RGS6: variants seen among roughly 807,000 people sequenced by gnomAD.
The protein encoded by RGS6 is regulator of G-protein signaling 6.
Under a neutral mutation model 78.5 loss-of-function variants are expected in RGS6, and 30 were observed. The observed-to-expected ratio is 0.38, with a 90% CI of 0.29 to 0.52. The LOEUF is 0.52. Among genes scored for constraint, RGS6 ranks in the 20% least tolerant of loss-of-function variants. The pLI, the probability that RGS6 is intolerant of heterozygous loss-of-function variation, is 0.85. For synonymous variants in RGS6, 206 were observed against 206.0 expected, an observed-to-expected ratio of 1.00 and a Z score of 0.00; for missense variants, 495 against 609.7, an observed-to-expected ratio of 0.81 and a Z score of 1.98.
intron 3 of RGS6, among the ~76,000 whole-genome samples, chr14:72,452,453 G>A (rs536184934): frequency 1.3e-5 from 2 of 152,268 alleles, no homozygotes; most frequent in East Asian, 3.9e-4. Flanking sequence ...CACTGTGCAG[G>A]GTTACTTCAC....
At chr14:72,308,464 T>C (rs937429076) in intron 2 of RGS6, among the ~76,000 whole-genome samples, 5 of 152,222 alleles carry the variant, frequency 3.3e-5, no homozygotes, top group Admixed American at 3.3e-4. Context: ...GAATTATCAG[T>C]ATACTTGTCT....
At chr14:72,569,415 C>G (rs537408446), downstream of RGS6, among the ~76,000 whole-genome samples, 108 of 152,254 alleles carry the variant, frequency 7.1e-4, no homozygotes, top group Middle Eastern at 3.4e-3. Flanking sequence ...CACAGTGGCT[C>G]ACACCTGTAA....
Position 72,431,001 on chromosome 14 carries a change from G to A in RGS6, c.185-23527G>A, listed in dbSNP as rs188596461. Among the ~76,000 whole-genome samples, 15 of 152,208 alleles carry A rather than the reference G, an allele frequency of 9.9e-5. No homozygotes were observed. In the East Asian group the frequency reaches 2.7e-3, roughly 27 times the overall value. On this transcript the variant is annotated intron_variant, in intron 3 of 17. Transcript: ENST00000553525. ...CTATCGATTTCCATCCAACTGAAGGGGTGAAGTTCAGAAGCCCAGGAGACA... is the reference window on the plus strand; with the variant it reads ...CTATCGATTTCCATCCAACTGAAGGAGTGAAGTTCAGAAGCCCAGGAGACA...
intron 3 of RGS6, among the ~76,000 whole-genome samples, chr14:72,375,361 A>G (rs1423304557): frequency 6.6e-6 from 1 of 152,230 alleles, no homozygotes; most frequent in Non-Finnish European, 1.5e-5. Context: ...CACTAAACAC[A>G]AAAAGAATCT....
At chr14:72,294,749 T>TAG (rs1430263726) in intron 2 of RGS6, among the ~76,000 whole-genome samples, 6 of 151,866 alleles carry the variant, frequency 4.0e-5, no homozygotes, top group African/African-American at 1.5e-4. Flanking sequence ...AAGAACCAGA[T>TAG]CTCGTGAGAA....
chr14:72,553,744 A>AT (rs2097536298), intron 17 of RGS6, among the ~76,000 whole-genome samples: 1 of 152,162 alleles, frequency 6.6e-6, no homozygotes, highest in Non-Finnish European at 1.5e-5. Context: ...TCTAAATCCA[A>AT]TAACAGCATC....
chr14:72,063,694 G>A (rs1402040187), intron 2 of RGS6, among the ~76,000 whole-genome samples: 1 of 152,114 alleles, frequency 6.6e-6, no homozygotes, highest in Non-Finnish European at 1.5e-5. Flanking sequence ...AGAGGGGATG[G>A]GACCTAGTGT....
chr14:72,599,223 T>G, the RGS6 span, among the ~76,000 whole-genome samples: 2 of 152,246 alleles, frequency 1.3e-5, no homozygotes, highest in South Asian at 4.2e-4. Context: ...GCTGCTCTGG[T>G]GGGAACAGCA....
At chr14:72,556,565 C>T (rs371736981) in intron 17 of RGS6, among the ~76,000 whole-genome samples, 97 of 152,044 alleles carry the variant, frequency 6.4e-4, no homozygotes, top group African/African-American at 2.1e-3. Flanking sequence ...GAATTGCTTT[C>T]AGAAGACGTG....
At chr14:72,428,963 G>A (rs2094527328) in intron 3 of RGS6, among the ~76,000 whole-genome samples, 1 of 152,190 alleles carries the variant, frequency 6.6e-6, no homozygotes, top group Non-Finnish European at 1.5e-5. Context: ...CACTTTGGGA[G>A]GCCAAGGCGG....
At chr14:72,126,179 C>T (rs1040385103) in intron 2 of RGS6, among the ~76,000 whole-genome samples, 4 of 152,210 alleles carry the variant, frequency 2.6e-5, no homozygotes, top group African/African-American at 9.7e-5. Flanking sequence ...CTTTCCCCTT[C>T]ATAGAGGAAA....
At chr14:72,586,152 T>C in the RGS6 span, among the ~76,000 whole-genome samples, 2 of 152,154 alleles carry the variant, frequency 1.3e-5, no homozygotes, top group African/African-American at 4.8e-5. Context: ...GGACTCAGCC[T>C]TTTTGCAGAG....
At chr14:72,040,569 T>C (rs2092306260) in intron 2 of RGS6, among the ~76,000 whole-genome samples, 1 of 152,180 alleles carries the variant, frequency 6.6e-6, no homozygotes, top group Non-Finnish European at 1.5e-5. Context: ...TTTGACAGTT[T>C]GATTATAATG....
At chr14:72,233,858 G>C (rs1160656910) in intron 2 of RGS6, among the ~76,000 whole-genome samples, 1 of 152,184 alleles carries the variant, frequency 6.6e-6, no homozygotes, top group African/African-American at 2.4e-5. Flanking sequence ...GCTGTTTCGA[G>C]AGCAAGCCAT....
intron 2 of RGS6, among the ~76,000 whole-genome samples, chr14:71,984,690 A>G (rs1302023139): frequency 1.3e-5 from 2 of 152,170 alleles, no homozygotes; most frequent in Admixed American, 1.3e-4. Context: ...ATATTTTATA[A>G]CACTATATAT....
intron 3 of RGS6, among the ~76,000 whole-genome samples, chr14:72,449,920 G>A (rs147727436): frequency 1.2e-4 from 18 of 152,284 alleles, no homozygotes; most frequent in South Asian, 2.1e-4. Flanking sequence ...GCCAGAGGCC[G>A]TCCAAAGTTA....
chr14:72,376,450 G>A (rs73291335), intron 3 of RGS6, among the ~76,000 whole-genome samples: 3,940 of 152,202 alleles, frequency 0.026, 87 homozygotes, highest in African/African-American at 0.055. Flanking sequence ...GAAATAATAC[G>A]TGAAAACTTT....
the RGS6 span, among the ~76,000 whole-genome samples, chr14:72,587,293 A>G: frequency 1.5e-4 from 23 of 152,072 alleles, no homozygotes; most frequent in East Asian, 1.4e-3. Flanking sequence ...CCATGAGAGA[A>G]CTGGAAAATG....
chr14:72,264,290 A>G (rs901285118), intron 2 of RGS6, among the ~76,000 whole-genome samples: 1 of 152,212 alleles, frequency 6.6e-6, no homozygotes, highest in Non-Finnish European at 1.5e-5. Flanking sequence ...CTTAAGAAAC[A>G]TTTTAACTTA....
Sources: allele counts gnomAD v4.1 joint callset (sites outside exome capture counted in the v4.1 genomes callset), GRCh38; gene constraint gnomAD v4.1.1; transcripts MANE v1.5; gene names NCBI Gene and HGNC (gene_info 2026-07-23, HGNC 2026-07-21).